The following SLC22A3 variants were observed in gnomAD, a reference collection of about 807,000 sequenced individuals.
SLC22A3 encodes the protein solute carrier family 22 member 3.
A neutral mutation model predicts 59.1 loss-of-function variants in SLC22A3; 51 were observed. The ratio of observed to expected loss-of-function variants is 0.86; its 90% CI spans 0.69 to 1.09. SLC22A3 has a LOEUF of 1.09. SLC22A3 is among the 50% of genes least tolerant of loss of function. The pLI, the probability that SLC22A3 is intolerant of heterozygous loss-of-function variation, is 0.00. For missense variants in SLC22A3, 711 were observed against 726.3 expected (o/e 0.98, Z 0.24); for synonymous variants, 325 against 292.0 (o/e 1.11, Z -1.15).
At chr6:160,423,016 G>T (rs1465258368) in intron 5 of SLC22A3, among the ~76,000 whole-genome samples, 3 of 152,022 alleles carry the variant, frequency 2.0e-5, no homozygotes, top group Non-Finnish European at 4.4e-5. Context: ...GGTGTGTGAT[G>T]TTCCCCTTCC....
At chr6:160,373,002 A>G (rs551591900) in intron 1 of SLC22A3, among the ~76,000 whole-genome samples, 11 of 152,318 alleles carry the variant, frequency 7.2e-5, no homozygotes, top group African/African-American at 9.6e-5. Context: ...ACTTCTGTCA[A>G]TTCATCAAAG....
intron 5 of SLC22A3, among the ~76,000 whole-genome samples, chr6:160,419,366 C>A (rs890900858): frequency 1.3e-5 from 2 of 152,162 alleles, no homozygotes; most frequent in Admixed American, 6.5e-5. Flanking sequence ...AAAAGAGGAA[C>A]CACACTATGA....
rs201627538 is a variant in SLC22A3 at position 160,436,956 on chromosome 6, A to C, written c.1074-41A>C. On this transcript the variant is annotated intron_variant, in intron 6 of 10. Coordinates refer to ENST00000275300, the MANE Select transcript of SLC22A3 (RefSeq NM_021977.4). ...CCTTCCTTCAAATCAGCTTGAAGTT[A>C]TCTCTTACTTGTTCTCTGGTGTCTT... 1.6e-3 allele frequency: 2,585 copies of C among 1,613,008 alleles called. 4 individuals carry two copies. Among genetic ancestry groups the C allele is most frequent in the Non-Finnish European group, 2.0e-3 (2,317 of 1,178,964 alleles).
At chr6:160,367,638 G>A (rs1484541300) in intron 1 of SLC22A3, among the ~76,000 whole-genome samples, 4 of 152,178 alleles carry the variant, frequency 2.6e-5, no homozygotes, top group African/African-American at 4.8e-5. Context: ...GTCTCCAAGT[G>A]GTGTTCTTGT....
chr6:160,359,730 A>G (rs1006557804), intron 1 of SLC22A3, among the ~76,000 whole-genome samples: 9 of 152,242 alleles, frequency 5.9e-5, no homozygotes, highest in Non-Finnish European at 2.9e-5. Flanking sequence ...AATTGGTGAT[A>G]GGGTTGAAAC....
chr6:160,432,422 T>A (rs1168130155), intron 5 of SLC22A3, among the ~76,000 whole-genome samples: 1 of 150,502 alleles, frequency 6.6e-6, no homozygotes, highest in East Asian at 2.0e-4. Flanking sequence ...ACAAAAATAA[T>A]GTAGGCTTAA....
chr6:160,410,632 T>G, intron 4 of SLC22A3, 97 bp from the exon 5 acceptor site: 1 of 787,028 alleles, frequency 1.3e-6, no homozygotes, highest in Admixed American at 1.7e-5. Context: ...AATGTATATC[T>G]AATTGCAAGA....
chr6:160,448,779 C>T (rs751392844), intron 10 of SLC22A3, among the ~76,000 whole-genome samples: 3 of 152,096 alleles, frequency 2.0e-5, no homozygotes, highest in Non-Finnish European at 4.4e-5. Context: ...TCTGTGGACA[C>T]AAATGGGCTG....
chr6:160,437,861 G>A (rs780373076), intron 7 of SLC22A3, among the ~76,000 whole-genome samples: 8 of 152,188 alleles, frequency 5.3e-5, no homozygotes, highest in Non-Finnish European at 1.0e-4. Context: ...CCAAACTAGA[G>A]AAGAGTTTCC....
At position 160,415,217 on chromosome 6, in the gene SLC22A3, A is replaced by ATGGG. The variant is rs1484310394; in HGVS notation, c.975+4372_975+4375dup. 7.2e-5 allele frequency among the ~76,000 whole-genome samples: 11 copies of ATGGG among 152,208 alleles called. No homozygotes were observed. Among genetic ancestry groups the ATGGG allele is most frequent in the Admixed American group, 7.2e-4 (11 of 15,286 alleles). Reference sequence around the variant, plus strand: ...GCTAAAAGCGGAATTCAGCCACATTATGGGCCACGTCATAGTTTTCCATCT... The same window carrying ATGGG: ...GCTAAAAGCGGAATTCAGCCACATTATGGGTGGGCCACGTCATAGTTTTCCATCT... On this transcript the variant is annotated intron_variant, in intron 5 of 10. Coordinates refer to ENST00000275300, the MANE Select transcript of SLC22A3 (RefSeq NM_021977.4). This position sits in a 1 kb window ranked among gnomAD's most constrained non-coding sequence, Gnocchi z 4.1.
intron 1 of SLC22A3, among the ~76,000 whole-genome samples, chr6:160,377,496 A>G (rs979428207): frequency 4.6e-5 from 7 of 151,932 alleles, no homozygotes; most frequent in African/African-American, 1.7e-4. Flanking sequence ...AAAAAAAGAA[A>G]GAAAAACAGG....
chr6:160,384,249 T>C (rs1317478770), intron 1 of SLC22A3, among the ~76,000 whole-genome samples: 1 of 152,160 alleles, frequency 6.6e-6, no homozygotes, highest in African/African-American at 2.4e-5. Context: ...GACTTAAACA[T>C]CTGTGGATTT....
chr6:160,402,354 T>C (rs1436495444), intron 2 of SLC22A3, among the ~76,000 whole-genome samples: 1 of 151,906 alleles, frequency 6.6e-6, no homozygotes, highest in African/African-American at 2.4e-5. Context: ...TTAATATCTA[T>C]GTGTTTAGTA....
intron 1 of SLC22A3, among the ~76,000 whole-genome samples, chr6:160,352,232 T>A (rs1784685695): frequency 1.3e-5 from 2 of 152,234 alleles, no homozygotes; most frequent in East Asian, 3.8e-4. Context: ...AAGTCAGAAA[T>A]CAATGCCAAG....
intron 1 of SLC22A3, among the ~76,000 whole-genome samples, chr6:160,350,981 C>A (rs1227501361): frequency 2.0e-5 from 3 of 152,150 alleles, no homozygotes; most frequent in African/African-American, 7.2e-5. Context: ...ATCAGGGTCA[C>A]CACCTGGTTA....
intron 1 of SLC22A3, among the ~76,000 whole-genome samples, chr6:160,372,732 T>G (rs1785446554): frequency 6.6e-6 from 1 of 152,226 alleles, no homozygotes. Context: ...TCTTCATGAT[T>G]TATTTCATTA....
rs1402050753 is a variant in SLC22A3, at chr6:160,437,194, C to T, written c.1271C>T (p.Thr424Ile). 1 of 1,614,118 alleles carries T rather than the reference C, an allele frequency of 6.2e-7. No individual in the cohort carries two copies. Residue 424 changes from threonine to isoleucine, a missense_variant, in exon 7 of 11, where the codon ACT (threonine) becomes ATT (isoleucine). Coordinates refer to ENST00000275300, the MANE Select transcript of SLC22A3 (RefSeq NM_021977.4). The stretch of plus-strand genomic sequence containing the variant: ...GTGGCAGGGGTGGCATGCCTTGTCA[C>T]TGCGTTCTTACCAGAAGGTAATCTT... ...NIVAGVACLV[T>I]AFLPEGIAWL...
chr6:160,447,776 T>C lies in SLC22A3; in HGVS notation c.1568T>C (p.Ile523Thr), dbSNP rs756971506. ...ATGCTTTTGCCTGAAACCAAGGGTA[T>C]TGCCTTGCCAGAGACAGTGGATGAT... Reference protein sequence around the residue: ...LVMLLPETKGIALPETVDDVE... With the variant: ...LVMLLPETKGTALPETVDDVE... Residue 523 changes from isoleucine (I) to threonine (T), a missense_variant, in exon 10 of 11, where the codon ATT becomes ACT. Coordinates refer to ENST00000275300, the MANE Select transcript of SLC22A3 (RefSeq NM_021977.4). 2 of 1,614,104 alleles carry C rather than the reference T, an allele frequency of 1.2e-6. No individual in the cohort carries two copies. The highest frequency in any genetic ancestry group is 2.2e-5 in the South Asian group (2 of 91,074).
intron 1 of SLC22A3, among the ~76,000 whole-genome samples, chr6:160,349,966 G>A (rs1218797155): frequency 6.6e-6 from 1 of 152,182 alleles, no homozygotes; most frequent in Non-Finnish European, 1.5e-5. Flanking sequence ...CCTTTCTGCC[G>A]CTGTTGCTGT....
Sources: allele counts gnomAD v4.1 joint callset (sites outside exome capture counted in the v4.1 genomes callset), GRCh38; gene constraint gnomAD v4.1.1; non-coding constraint Gnocchi (gnomAD v3.1); transcripts MANE v1.5; gene names NCBI Gene and HGNC (gene_info 2026-07-23, HGNC 2026-07-21).